Variants in CCDC73 observed in about 807,000 individuals in gnomAD.
CCDC73 encodes coiled-coil domain-containing protein 73.
Under a neutral mutation model 116.5 loss-of-function variants are expected in CCDC73, and 95 were observed. The ratio of observed to expected loss-of-function variants is 0.82; its 90% confidence interval spans 0.69 to 0.97. The LOEUF (loss-of-function observed/expected upper bound fraction) is 0.97, where lower values mean the gene tolerates loss of function less well. Among genes scored for constraint, CCDC73 ranks in the 50% least tolerant of loss-of-function variants. CCDC73 has a pLI of 0.00. For missense variants in CCDC73, 1,066 were observed against 1,206.8 expected (o/e 0.88, Z 1.73); for synonymous variants, 398 against 401.3 (o/e 0.99, Z 0.10).
At chr11:32,722,905 G>A (rs1244307811) in intron 2 of CCDC73, among the ~76,000 whole-genome samples, 2 of 152,150 alleles carry the variant, frequency 1.3e-5, no homozygotes, top group African/African-American at 2.4e-5. Flanking sequence ...GAGATAGCAA[G>A]AGGGTAAATA....
chr11:32,656,151 C>A (rs927433823), intron 9 of CCDC73, among the ~76,000 whole-genome samples: 3 of 151,670 alleles, frequency 2.0e-5, no homozygotes, highest in African/African-American at 7.3e-5. Context: ...GATCTCGGCT[C>A]ACTGCAAGCT....
chr11:32,750,975 C>T (rs1265330541), intron 2 of CCDC73, among the ~76,000 whole-genome samples: 1 of 152,170 alleles, frequency 6.6e-6, no homozygotes, highest in Admixed American at 6.5e-5. Flanking sequence ...CATGTACTAC[C>T]TGGTTATTGC....
intron 17 of CCDC73, among the ~76,000 whole-genome samples, chr11:32,607,322 G>A (rs1410092523): frequency 6.6e-6 from 1 of 150,884 alleles, no homozygotes; most frequent in Non-Finnish European, 1.5e-5. Context: ...TCGATCTCCT[G>A]ACCTCGTGAT....
At chr11:32,814,380 G>A in the CCDC73 span, among the ~76,000 whole-genome samples, 38 of 152,158 alleles carry the variant, frequency 2.5e-4, no homozygotes, top group Non-Finnish European at 4.7e-4. Flanking sequence ...ACACTGTGCA[G>A]CCTGGCAGTT....
intron 9 of CCDC73, among the ~76,000 whole-genome samples, chr11:32,658,880 G>A (rs2133267639): frequency 6.6e-6 from 1 of 152,126 alleles, no homozygotes; most frequent in African/African-American, 2.4e-5. Flanking sequence ...CTGGAAGAAA[G>A]GAAAAGGGGA....
upstream of CCDC73, among the ~76,000 whole-genome samples, chr11:32,798,054 A>G (rs1850738094): frequency 6.6e-6 from 1 of 152,236 alleles, no homozygotes; most frequent in South Asian, 2.1e-4. Context: ...CTATATGCAT[A>G]AGGTGCATAG....
intron 3 of CCDC73, among the ~76,000 whole-genome samples, chr11:32,714,228 A>T (rs10767955): frequency 6.6e-6 from 1 of 151,798 alleles, no homozygotes; most frequent in African/African-American, 2.4e-5. Context: ...AACTTCCATG[A>T]CCAAGAAGGT....
intron 2 of CCDC73, among the ~76,000 whole-genome samples, 166 bp from the exon 3 acceptor site, chr11:32,718,313 G>A (rs999378458): frequency 4.6e-5 from 7 of 152,206 alleles, no homozygotes; most frequent in Middle Eastern, 6.8e-3. Context: ...TAGAACTGAG[G>A]TCCCAGATCA....
intron 2 of CCDC73, among the ~76,000 whole-genome samples, chr11:32,726,599 A>G (rs1465259129): frequency 6.6e-6 from 1 of 152,136 alleles, no homozygotes; most frequent in Non-Finnish European, 1.5e-5. Flanking sequence ...TATAATTCAT[A>G]TTCACAGAAC....
chr11:32,614,162 G>T lies in CCDC73; in HGVS notation c.2156C>A (p.Ser719Ter). 6.2e-7 allele frequency: 1 copy of T among 1,613,716 alleles called. No homozygotes were observed. Among genetic ancestry groups the T allele is most frequent in the South Asian group, 1.1e-5 (1 of 91,050 alleles). ...HVSYAAFSAN[S>*]KLLLKNSDKN... ...ATCTGAGTTCTTCAGAAGTAGTTTT[G>T]AATTAGCACTAAAAGCAGCATATGA... The change falls in exon 16 of 18, where the codon TCA becomes TAA. Residue 719 changes from serine to a stop codon, truncating the protein, a stop_gained. Coordinates refer to ENST00000335185, the MANE Select transcript of CCDC73 (RefSeq NM_001008391.4). LOFTEE classifies it high-confidence loss of function.
intron 17 of CCDC73, chr11:32,606,136 C>T (rs1855348433): frequency 6.6e-6 from 1 of 152,182 alleles, no homozygotes; most frequent in South Asian, 2.1e-4. Context: ...AACATACCAT[C>T]TTTTCAAGTT....
At chr11:32,645,217 C>T (rs753839560) in intron 12 of CCDC73, among the ~76,000 whole-genome samples, 14 of 152,122 alleles carry the variant, frequency 9.2e-5, no homozygotes, top group Non-Finnish European at 1.0e-4. Flanking sequence ...TCATAATACT[C>T]CCTTTTCTGG....
intron 14 of CCDC73, among the ~76,000 whole-genome samples, chr11:32,616,685 C>T (rs1302107873): frequency 6.6e-6 from 1 of 152,142 alleles, no homozygotes; most frequent in African/African-American, 2.4e-5. Flanking sequence ...GTGAATCAGT[C>T]CAACATGCTT....
chr11:32,673,544 A>C (rs903618907), intron 9 of CCDC73, among the ~76,000 whole-genome samples: 41 of 152,176 alleles, frequency 2.7e-4, no homozygotes, highest in Non-Finnish European at 4.4e-5. Context: ...CATTTCATTC[A>C]TATTCATTTA....
the CCDC73 span, among the ~76,000 whole-genome samples, chr11:32,811,499 G>A: frequency 6.6e-6 from 1 of 152,058 alleles, no homozygotes; most frequent in Non-Finnish European, 1.5e-5. Context: ...TAGTCTGTTT[G>A]CATTGCTGTA....
the CCDC73 span, among the ~76,000 whole-genome samples, chr11:32,824,668 T>C: frequency 6.6e-6 from 1 of 152,204 alleles, no homozygotes; most frequent in African/African-American, 2.4e-5. Context: ...GCTCCTTGGC[T>C]CTCAAGGGAC....
intron 12 of CCDC73, among the ~76,000 whole-genome samples, chr11:32,644,066 C>T (rs1855755860): frequency 6.6e-6 from 1 of 151,986 alleles, no homozygotes; most frequent in East Asian, 1.9e-4. Flanking sequence ...TTCACAATAG[C>T]AAAGGCACAG....
intron 6 of CCDC73, among the ~76,000 whole-genome samples, chr11:32,694,730 AC>A (rs1856292998): frequency 6.6e-6 from 1 of 152,176 alleles, no homozygotes; most frequent in Non-Finnish European, 1.5e-5. Context: ...CTTACTGACA[AC>A]CTTTTAGTAG....
chr11:32,731,074 C>T (rs2200524), intron 2 of CCDC73, among the ~76,000 whole-genome samples: 2 of 152,058 alleles, frequency 1.3e-5, no homozygotes, highest in Non-Finnish European at 2.9e-5. Context: ...CACTCCCACC[C>T]TAATACTGCA....
Sources: gnomAD v4.1 joint callset for allele counts (sites outside exome capture counted in the v4.1 genomes callset) on GRCh38, gnomAD v4.1.1 for gene constraint, MANE v1.5 for transcripts, NCBI Gene and HGNC (gene_info 2026-07-23, HGNC 2026-07-21) for gene names.